The following KRT1 variants were observed in gnomAD, a reference collection of about 807,000 sequenced individuals.
The protein encoded by KRT1 is keratin, type II cytoskeletal 1.
KRT1 carries 28 observed loss-of-function variants against 51.6 expected under a neutral mutation model. The observed-to-expected ratio is 0.54, with a 90% CI of 0.40 to 0.74. KRT1 has a LOEUF of 0.74. Among genes scored for constraint, KRT1 ranks in the 30% least tolerant of loss-of-function variants. The pLI, the probability that KRT1 is intolerant of heterozygous loss-of-function variation, is 0.00. For synonymous variants in KRT1, 301 were observed against 307.7 expected, an observed-to-expected ratio of 0.98 and a Z score of 0.23; for missense variants, 783 against 815.5, an observed-to-expected ratio of 0.96 and a Z score of 0.49.
At chr12:52,676,974 A>T in intron 6 of KRT1, 85 bp downstream of exon 6, 4 of 1,556,146 alleles carry the variant, frequency 2.6e-6, no homozygotes, top group Middle Eastern at 1.7e-4. Flanking sequence ...GAATTGCAAG[A>T]TTCAAAACTA....
intron 5 of KRT1, 25 bp from the exon 6 acceptor site, chr12:52,677,209 T>G: frequency 6.2e-7 from 1 of 1,614,152 alleles, no homozygotes. Context: ...TAGCGTTTGT[T>G]AAATGTAGGC....
chr12:52,680,321 C>T lies in KRT1; in HGVS notation c.28G>A (p.Gly10Arg), dbSNP rs1470858408. 1.2e-6 allele frequency: 2 copies of T among 1,614,146 alleles called. No homozygotes were observed. The highest frequency in any genetic ancestry group is 1.1e-5 in the South Asian group (1 of 91,080). MSRQFSSRS[G>R]YRSGGGFSSG... ...CTGAAGCCCCCTCCACTTCGGTACC[C>T]AGACCTGGAACTAAACTGTCGACTC... The change falls in exon 1 of 9, where the codon GGG becomes AGG. Residue 10 changes from glycine (G) to arginine (R), a missense_variant. Transcript: ENST00000252244.
Position 52,674,968 on chromosome 12 carries a change from A to C in KRT1, c.*225T>G. ...TCACTGCTGAACTGTTTCTCAGGGAAAGAACAAAGCAGGGTCATAGCCAGG... is the reference window on the plus strand; with the variant it reads ...TCACTGCTGAACTGTTTCTCAGGGACAGAACAAAGCAGGGTCATAGCCAGG... On this transcript the variant is annotated 3_prime_UTR_variant, in exon 9 of 9. Transcript: ENST00000252244. 1 of 677,278 alleles carries C rather than the reference A, an allele frequency of 1.5e-6. No homozygotes were observed. Among genetic ancestry groups the C allele is most frequent in the Non-Finnish European group, 2.6e-6 (1 of 387,276 alleles). 42.0% of individuals were successfully genotyped at this position (677,278 alleles called of 1,614,324 possible).
chr12:52,675,099 G>C lies in KRT1; in HGVS notation c.*94C>G. 3 of 1,482,502 alleles carry C rather than the reference G, an allele frequency of 2.0e-6. No individual in the cohort carries two copies. The highest frequency in any genetic ancestry group is 1.4e-5 in the African/African-American group (1 of 72,592). The allele number at this position is 1,482,502 out of a possible 1,614,324, so 91.8% of individuals were successfully genotyped here. A position where few individuals can be genotyped will look rare whatever the true frequency, so the allele number is the denominator to read the frequency against. On this transcript the variant is annotated 3_prime_UTR_variant, in exon 9 of 9. Coordinates refer to ENST00000252244, the MANE Select transcript of KRT1 (RefSeq NM_006121.4). Reference sequence around the variant, plus strand: ...GTAACTAACCATAGCTCTTTTCTCCGGTAAGGCTGGGACAAATCGACCTCG... The same window carrying C: ...GTAACTAACCATAGCTCTTTTCTCCCGTAAGGCTGGGACAAATCGACCTCG...
chr12:52,678,145 C>T lies in KRT1; in HGVS notation c.867+18G>A. 1 of 1,612,974 alleles carries T rather than the reference C, an allele frequency of 6.2e-7. No individual in the cohort carries two copies. The highest frequency in any genetic ancestry group is 1.1e-5 in the South Asian group (1 of 91,034). On this transcript the variant is annotated intron_variant, in intron 3 of 8. Coordinates refer to ENST00000252244, the MANE Select transcript of KRT1 (RefSeq NM_006121.4). Reference sequence around the variant, plus strand: ...TATTTATTTCAAATGTGAGTTCCGTCCTACAGAATTTGCTTACCTTCTTGA... The same window carrying T: ...TATTTATTTCAAATGTGAGTTCCGTTCTACAGAATTTGCTTACCTTCTTGA...
Position 52,674,929 on chromosome 12 carries a change from C to T in KRT1, c.*264G>A. On this transcript the variant is annotated 3_prime_UTR_variant, in exon 9 of 9. Coordinates refer to ENST00000252244, the MANE Select transcript of KRT1 (RefSeq NM_006121.4). ...GGCTTAAGGAGGTGCTTTGAAATGT[C>T]ATGTGGGTGGTGGTCACTGCTGAAC... The T allele has an allele frequency of 1.7e-6, 1 of 597,876 alleles. No homozygotes were observed. Among genetic ancestry groups the T allele is most frequent in the Non-Finnish European group, 3.0e-6 (1 of 336,686 alleles). 37.0% of individuals were successfully genotyped at this position (597,876 alleles called of 1,614,324 possible).
intron 6 of KRT1, 67 bp from the exon 7 acceptor site, chr12:52,676,562 C>A: frequency 6.6e-7 from 1 of 1,518,270 alleles, no homozygotes; most frequent in Non-Finnish European, 9.1e-7. Flanking sequence ...CCCAATTGGT[C>A]TCCCCACTCC....
At position 52,675,494 on chromosome 12, in the gene KRT1, C is replaced by T. The variant is rs1686961411; in HGVS notation, c.1634G>A (p.Gly545Asp). 6.5e-7 allele frequency: 1 copy of T among 1,547,062 alleles called. No homozygotes were observed. The highest frequency in any genetic ancestry group is 1.4e-5 in the African/African-American group (1 of 73,156). The part of the protein sequence containing the change: ...GGGSYGSGGG[G>D]GGGRGSYGSG... ...GCCATAGCTGCCACGGCCGCCGCCG[C>T]CGCCACCTCCAGAACCATAGCTACC... The change falls in exon 9 of 9, where the codon GGC becomes GAC. Residue 545 changes from glycine to aspartate, a missense_variant. Gly to Asp is a moderately conservative substitution (Grantham distance 94). Transcript: ENST00000252244.
rs140449947 is a variant in KRT1, at chr12:52,675,711, C to T, written c.1509G>A (p.Val503=). ...CCTGAGAAATCGACTTGTACTTACA[C>T]ACACTCACGTTCGGGGCACATTCTC... ...MSGECAPNVS[V]SVSTSHTTIS... is the part of the protein sequence containing the mutation. The change falls in exon 8 of 9, where the codon GTG becomes GTA. Residue 503 remains valine, a splice_region_variant and synonymous_variant. Transcript: ENST00000252244. 5.6e-6 allele frequency: 9 copies of T among 1,614,236 alleles called. No homozygotes were observed. The highest frequency in any genetic ancestry group is 6.8e-6 in the Non-Finnish European group (8 of 1,180,050).
chr12:52,678,266 G>T, intron 2 of KRT1, 43 bp from the exon 3 acceptor site: 1 of 1,593,526 alleles, frequency 6.3e-7, no homozygotes, highest in South Asian at 1.1e-5. Flanking sequence ...GAGGTGGTAA[G>T]ACCTGAAGTC....
Position 52,677,085 on chromosome 12 carries a change from A to G in KRT1, c.1228T>C (p.Ser410Pro). Residue 410 changes from serine (S) to proline (P), a missense_variant, in exon 6 of 9, where the codon TCT (serine) becomes CCT (proline). Ser to Pro is a moderately conservative substitution (Grantham distance 74). Transcript: ENST00000252244. ...ELNRVIQRLR[S>P]EIDNVKKQIS... Reference sequence around the variant, plus strand: ...TGCTTCTTGACATTGTCGATTTCAGATCTAAGTCTCTGGATCACACGATTC... The same window carrying G: ...TGCTTCTTGACATTGTCGATTTCAGGTCTAAGTCTCTGGATCACACGATTC... 1 of 1,613,834 alleles carries G rather than the reference A, an allele frequency of 6.2e-7. No homozygotes were observed. Among genetic ancestry groups the G allele is most frequent in the Non-Finnish European group, 8.5e-7 (1 of 1,180,038 alleles).
Position 52,677,233 on chromosome 12 carries a change from G to A in KRT1, c.1129-49C>T, listed in dbSNP as rs779653224. On this transcript the variant is annotated intron_variant, in intron 5 of 8. Transcript: ENST00000252244. ...TTAAATGTAGGCAGAACTCAGCATG[G>A]CACAGGCACACATACATGAGATAAC... 9 of 1,614,018 alleles carry A rather than the reference G, an allele frequency of 5.6e-6. No homozygotes were observed. The Admixed American group carries it at 1.2e-4, about 21-fold the overall frequency.
At chr12:52,677,550 T>C in intron 4 of KRT1, 70 bp from the exon 5 acceptor site, 1 of 1,608,010 alleles carries the variant, frequency 6.2e-7, no homozygotes. Flanking sequence ...GAGAAAGCAG[T>C]CAGAAAATAA....
In KRT1 at chr12:52,675,585, C is replaced by T. The variant is rs773592554; in HGVS notation, c.1543G>A (p.Gly515Ser). The T allele has an allele frequency of 3.1e-6, 5 of 1,614,114 alleles. No homozygotes were observed. The East Asian group carries it at 8.9e-5, about 29-fold the overall frequency. The change falls in exon 9 of 9, where the codon GGT becomes AGT. Residue 515 changes from glycine to serine, a missense_variant. Coordinates refer to ENST00000252244, the MANE Select transcript of KRT1 (RefSeq NM_006121.4). The part of the protein sequence containing the change: ...VSTSHTTISG[G>S]GSRGGGGGGY... Reference sequence around the variant, plus strand: ...CCGCCGCCACCTCCTCGGCTGCCACCTCCACTGATGGTGGTGTGGCTTGTG... The same window carrying T: ...CCGCCGCCACCTCCTCGGCTGCCACTTCCACTGATGGTGGTGTGGCTTGTG...
rs1163103819 is a variant in KRT1, at chr12:52,674,966, G to C, written c.*227C>G. 7.4e-6 allele frequency: 5 copies of C among 675,192 alleles called. No individual in the cohort carries two copies. The highest frequency in any genetic ancestry group is 2.4e-5 in the Admixed American group (1 of 42,122). 41.8% of individuals were successfully genotyped at this position (675,192 alleles called of 1,614,324 possible). ...GGTCACTGCTGAACTGTTTCTCAGG[G>C]AAAGAACAAAGCAGGGTCATAGCCA... On this transcript the variant is annotated 3_prime_UTR_variant, in exon 9 of 9. Coordinates refer to ENST00000252244, the MANE Select transcript of KRT1 (RefSeq NM_006121.4).
chr12:52,675,294 A>AGCCTCCAGAGCTCCC lies in KRT1; in HGVS notation c.1819_1833dup (p.Gly607_Gly611dup). On this transcript the variant is annotated inframe_insertion, in exon 9 of 9. Coordinates refer to ENST00000252244, the MANE Select transcript of KRT1 (RefSeq NM_006121.4). Reference sequence around the variant, plus strand: ...GAGCTGGATCCCCGGCCTCCTATGGAGCCTCCAGAGCTCCCGCCGCCAGAG... The same window carrying AGCCTCCAGAGCTCCC: ...GAGCTGGATCCCCGGCCTCCTATGGAGCCTCCAGAGCTCCCGCCTCCAGAGCTCCCGCCGCCAGAG... 4 of 1,613,160 alleles carry AGCCTCCAGAGCTCCC rather than the reference A, an allele frequency of 2.5e-6. No individual in the cohort carries two copies. Among genetic ancestry groups the AGCCTCCAGAGCTCCC allele is most frequent in the Non-Finnish European group, 3.4e-6 (4 of 1,179,928 alleles).
chr12:52,678,290 T>G (rs1162488962), intron 2 of KRT1, 67 bp from the exon 3 acceptor site: 4 of 1,525,724 alleles, frequency 2.6e-6, no homozygotes, highest in Non-Finnish European at 3.6e-6. Flanking sequence ...CATTCTAAAC[T>G]AAAGGTGGCA....
At chr12:52,679,559 C>A (rs1310228381) in intron 1 of KRT1, among the ~76,000 whole-genome samples, 199 bp downstream of exon 1, 1 of 152,180 alleles carries the variant, frequency 6.6e-6, no homozygotes, top group Non-Finnish European at 1.5e-5. Context: ...AGGTCGACCA[C>A]GAACCCTTTG....
At chr12:52,676,986 G>A (rs1941515208) in intron 6 of KRT1, 73 bp downstream of exon 6, 1 of 1,583,600 alleles carries the variant, frequency 6.3e-7, no homozygotes, top group African/African-American at 1.3e-5. Flanking sequence ...TCAAAACTAG[G>A]AAAGCACTCG....
Sources: allele counts gnomAD v4.1 joint callset (sites outside exome capture counted in the v4.1 genomes callset), GRCh38; gene constraint gnomAD v4.1.1; transcripts MANE v1.5; gene names NCBI Gene and HGNC (gene_info 2026-07-23, HGNC 2026-07-21).